SLC35F4: variants seen among roughly 807,000 people sequenced by gnomAD.
The protein encoded by SLC35F4 is solute carrier family 35 member F4.
Under a neutral mutation model 44.2 loss-of-function variants are expected in SLC35F4, and 24 were observed. The observed-to-expected ratio is 0.54, with a 90% CI of 0.39 to 0.76. SLC35F4 has a LOEUF of 0.76. Among genes scored for constraint, SLC35F4 ranks in the 30% least tolerant of loss-of-function variants. The pLI is 0.00. For missense variants in SLC35F4, 562 were observed against 586.1 expected (o/e 0.96, Z 0.42); for synonymous variants, 238 against 223.6 (o/e 1.06, Z -0.57).
At chr14:57,979,207 A>G (rs1213959735) in intron 1 of SLC35F4, among the ~76,000 whole-genome samples, 1 of 152,168 alleles carries the variant, frequency 6.6e-6, no homozygotes. Flanking sequence ...GTGGTTATTA[A>G]TTATGACCTC....
intron 1 of SLC35F4, among the ~76,000 whole-genome samples, chr14:57,768,759 T>C (rs1595007265): frequency 1.3e-5 from 2 of 152,144 alleles, no homozygotes; most frequent in East Asian, 3.9e-4. Context: ...GTTTTTTTTT[T>C]TTCTTCTTTC....
At chr14:57,698,986 A>C (rs1004209060) in intron 1 of SLC35F4, among the ~76,000 whole-genome samples, 2 of 152,192 alleles carry the variant, frequency 1.3e-5, no homozygotes, top group African/African-American at 4.8e-5. Context: ...CAACCAAAAA[A>C]GGAGAATTTG....
intron 1 of SLC35F4, among the ~76,000 whole-genome samples, chr14:57,939,523 C>T (rs1461250078): frequency 1.3e-5 from 2 of 152,126 alleles, no homozygotes; most frequent in African/African-American, 2.4e-5. Context: ...CCATGTTGCC[C>T]TAAGATCATG....
At chr14:57,948,978 TC>T (rs1316285135) in intron 1 of SLC35F4, among the ~76,000 whole-genome samples, 2 of 152,162 alleles carry the variant, frequency 1.3e-5, no homozygotes, top group African/African-American at 4.8e-5. Flanking sequence ...TGGAGAATGT[TC>T]TATGTGCTGA....
intron 1 of SLC35F4, among the ~76,000 whole-genome samples, chr14:57,663,072 A>G (rs549692039): frequency 3.3e-5 from 5 of 152,196 alleles, no homozygotes; most frequent in Admixed American, 1.3e-4. Flanking sequence ...TCCCTGCTTC[A>G]CCATTTCTTG....
rs1329687895 is a variant in SLC35F4 at position 57,865,997 on chromosome 14, C to T, written c.-172G>A. ...CACCGGCTCCGCATCACAGCGGCGG[C>T]GGCGGCGGCGGCGGCGGAGCGGCCC... On this transcript the variant is annotated 5_prime_UTR_variant, in exon 1 of 8. Transcript: ENST00000556826. The T allele has an allele frequency of 5.6e-6, 2 of 355,276 alleles. No homozygotes were observed. Among genetic ancestry groups the T allele is most frequent in the Non-Finnish European group, 9.8e-6 (2 of 204,778 alleles). 22.0% of individuals were successfully genotyped at this position (355,276 alleles called of 1,614,324 possible).
intron 1 of SLC35F4, among the ~76,000 whole-genome samples, chr14:57,872,906 T>C (rs935873720): frequency 6.6e-6 from 1 of 152,184 alleles, no homozygotes; most frequent in African/African-American, 2.4e-5. Context: ...CAGGTTAAGA[T>C]GCCAATTTTC....
At chr14:57,620,795 T>A (rs1345350087) in intron 1 of SLC35F4, among the ~76,000 whole-genome samples, 1 of 152,290 alleles carries the variant, frequency 6.6e-6, no homozygotes, top group Admixed American at 6.5e-5. Context: ...CTATTCAACA[T>A]AGTGTTGGAA....
At chr14:57,888,139 A>G (rs955637274) in intron 1 of SLC35F4, among the ~76,000 whole-genome samples, 1 of 152,160 alleles carries the variant, frequency 6.6e-6, no homozygotes, top group African/African-American at 2.4e-5. Flanking sequence ...CACTTACTCA[A>G]GACAGAGTTT....
At chr14:57,629,431 A>C (rs2072653054) in intron 1 of SLC35F4, among the ~76,000 whole-genome samples, 1 of 152,150 alleles carries the variant, frequency 6.6e-6, no homozygotes, top group Non-Finnish European at 1.5e-5. Flanking sequence ...AGAAATATAT[A>C]AATGTAAATG....
chr14:57,780,903 T>C (rs908222548), intron 1 of SLC35F4, among the ~76,000 whole-genome samples: 2 of 152,008 alleles, frequency 1.3e-5, no homozygotes, highest in Non-Finnish European at 1.5e-5. Flanking sequence ...TTATGCCATA[T>C]ACAAAAGCCA....
At chr14:57,971,324 A>T (rs1401977692) in intron 1 of SLC35F4, among the ~76,000 whole-genome samples, 1 of 152,240 alleles carries the variant, frequency 6.6e-6, no homozygotes, top group Non-Finnish European at 1.5e-5. Flanking sequence ...TTATAGGTAG[A>T]TTTTAGCTCA....
At chr14:57,608,689 GA>G (rs1191437575) in intron 1 of SLC35F4, among the ~76,000 whole-genome samples, 1 of 150,744 alleles carries the variant, frequency 6.6e-6, no homozygotes, top group African/African-American at 2.5e-5. Context: ...GGAAAATGTT[GA>G]CTGAGAACTG....
intron 1 of SLC35F4, among the ~76,000 whole-genome samples, chr14:57,817,743 G>T (rs894240451): frequency 3.3e-5 from 5 of 152,140 alleles, no homozygotes; most frequent in Admixed American, 6.6e-5. Context: ...ACCCAAAAAT[G>T]TGGTTAGAAT....
chr14:57,875,379 T>C (rs1888378267), intron 1 of SLC35F4, among the ~76,000 whole-genome samples: 2 of 152,238 alleles, frequency 1.3e-5, no homozygotes, highest in African/African-American at 4.8e-5. Context: ...TGTTATTGTC[T>C]AGCTTTTACT....
intron 1 of SLC35F4, among the ~76,000 whole-genome samples, chr14:57,610,564 G>T (rs2071434844): frequency 6.6e-6 from 1 of 152,120 alleles, no homozygotes; most frequent in Non-Finnish European, 1.5e-5. Context: ...TAACCCTTCG[G>T]TTTCTCTCAG....
chr14:57,757,813 T>C (rs1174362221), intron 1 of SLC35F4, among the ~76,000 whole-genome samples: 1 of 152,222 alleles, frequency 6.6e-6, no homozygotes, highest in Admixed American at 6.5e-5. Context: ...TTTAGTCACA[T>C]AGTTACCATT....
chr14:57,958,812 C>T (rs933190995), intron 1 of SLC35F4, among the ~76,000 whole-genome samples: 3 of 152,148 alleles, frequency 2.0e-5, no homozygotes, highest in Non-Finnish European at 2.9e-5. Context: ...TGTTCGCATG[C>T]CACTTCATCA....
At chr14:57,965,458 A>C (rs1168126908) in intron 1 of SLC35F4, among the ~76,000 whole-genome samples, 1 of 152,164 alleles carries the variant, frequency 6.6e-6, no homozygotes, top group African/African-American at 2.4e-5. Context: ...TTTCATCTGC[A>C]ATCTTAATTC....
Sources: allele counts gnomAD v4.1 joint callset (sites outside exome capture counted in the v4.1 genomes callset), GRCh38; gene constraint gnomAD v4.1.1; transcripts MANE v1.5; gene names NCBI Gene and HGNC (gene_info 2026-07-23, HGNC 2026-07-21).